SUPT3H: variants seen among roughly 807,000 people sequenced by gnomAD.
The protein encoded by SUPT3H is SPT3 homolog, SAGA and STAGA complex component.
A neutral mutation model predicts 44.3 loss-of-function variants in SUPT3H; 44 were observed. The observed-to-expected ratio is 0.99, with a 90% CI of 0.78 to 1.28. The LOEUF (loss-of-function observed/expected upper bound fraction) is 1.28. SUPT3H is among the 50% of genes most tolerant of loss of function. SUPT3H has a pLI of 0.00. For synonymous variants in SUPT3H, 124 were observed against 125.6 expected (o/e 0.99, Z 0.09); for missense variants, 380 against 387.1 (o/e 0.98, Z 0.15).
At chr6:44,815,076 T>C (rs928708867) in intron 11 of SUPT3H, among the ~76,000 whole-genome samples, 5 of 151,966 alleles carry the variant, frequency 3.3e-5, no homozygotes, top group African/African-American at 1.2e-4. Context: ...TATGAACATA[T>C]TGTGTGTGTG....
At position 45,104,142 on chromosome 6, in the gene SUPT3H, A is replaced by T. The variant is rs1323348450; in HGVS notation, c.186+1780T>A. On this transcript the variant is annotated intron_variant, in intron 3 of 10. Coordinates refer to ENST00000371459, the MANE Select transcript of SUPT3H (RefSeq NM_003599.4). ...CTAAAATCTGTGAGAAGGAATAATG[A>T]GCATGGGAAATGGTAGATATGTGGG... is the stretch of plus-strand genomic sequence containing the variant. Among the ~76,000 whole-genome samples, 38 of 152,128 alleles carry T rather than the reference A, an allele frequency of 2.5e-4. 1 individual carries two copies. The highest frequency in any genetic ancestry group is 2.9e-5 in the Non-Finnish European group (2 of 67,958).
At chr6:45,211,144 A>G (rs528164341) in intron 2 of SUPT3H, among the ~76,000 whole-genome samples, 4 of 152,330 alleles carry the variant, frequency 2.6e-5, no homozygotes, top group African/African-American at 7.2e-5. Context: ...ATTTCCCAAC[A>G]TAACTGTCTT....
intron 3 of SUPT3H, among the ~76,000 whole-genome samples, chr6:45,068,741 C>G (rs1185058707): frequency 4.2e-5 from 6 of 143,138 alleles, no homozygotes; most frequent in Non-Finnish European, 1.6e-5. Flanking sequence ...TGCTTGGCTC[C>G]TCATAGTGTG....
chr6:44,849,428 C>T (rs947316444), intron 10 of SUPT3H, among the ~76,000 whole-genome samples: 2 of 151,146 alleles, frequency 1.3e-5, no homozygotes, highest in East Asian at 1.9e-4. Flanking sequence ...GGGGTTTCAC[C>T]ATTTTAGCCG....
chr6:45,127,669 CA>C (rs777452852), intron 2 of SUPT3H, among the ~76,000 whole-genome samples: 1 of 152,232 alleles, frequency 6.6e-6, no homozygotes, highest in East Asian at 1.9e-4. Context: ...CTTCTATTTT[CA>C]AAGACTTTTC....
At chr6:45,314,218 C>T (rs911048548) in intron 2 of SUPT3H, among the ~76,000 whole-genome samples, 1 of 151,996 alleles carries the variant, frequency 6.6e-6, no homozygotes, top group Non-Finnish European at 1.5e-5. Context: ...AAGTATTCCC[C>T]CTGAGAATGG....
intron 3 of SUPT3H, among the ~76,000 whole-genome samples, chr6:45,031,682 C>T (rs547064606): frequency 6.6e-6 from 1 of 152,156 alleles, no homozygotes; most frequent in South Asian, 2.1e-4. Flanking sequence ...TAGTGTTTAA[C>T]CCTGGGTATA....
intron 3 of SUPT3H, among the ~76,000 whole-genome samples, chr6:45,075,915 G>A (rs545009641): frequency 6.6e-6 from 1 of 152,096 alleles, no homozygotes; most frequent in African/African-American, 2.4e-5. Context: ...TATAATAAAT[G>A]CCATGTGTCA....
intron 3 of SUPT3H, among the ~76,000 whole-genome samples, chr6:45,022,174 T>C (rs1399461788): frequency 6.6e-6 from 1 of 152,088 alleles, no homozygotes; most frequent in Non-Finnish European, 1.5e-5. Context: ...TGAAGAATGC[T>C]GATCATTTGA....
chr6:44,977,171 G>A (rs1778451066), intron 6 of SUPT3H, among the ~76,000 whole-genome samples: 1 of 152,184 alleles, frequency 6.6e-6, no homozygotes, highest in Non-Finnish European at 1.5e-5. Flanking sequence ...TTTGCAACTT[G>A]GTGATGTGAG....
chr6:45,004,118 A>G (rs1277369756), intron 5 of SUPT3H, among the ~76,000 whole-genome samples: 1 of 152,156 alleles, frequency 6.6e-6, no homozygotes, highest in Admixed American at 6.6e-5. Context: ...TATTTATAAC[A>G]AACACCTCTG....
intron 3 of SUPT3H, chr6:45,098,783 G>T: frequency 2.0e-6 from 1 of 511,424 alleles, no homozygotes; most frequent in Non-Finnish European, 3.9e-6. Context: ...GAGAGATGCA[G>T]ATTGATTACT....
chr6:45,321,395 C>T (rs1000787102), intron 2 of SUPT3H, among the ~76,000 whole-genome samples: 7 of 152,082 alleles, frequency 4.6e-5, no homozygotes, highest in African/African-American at 1.7e-4. Flanking sequence ...ATATCCTTTA[C>T]TTATATTCAC....
intron 2 of SUPT3H, among the ~76,000 whole-genome samples, chr6:45,273,668 A>T (rs1776567410): frequency 6.6e-6 from 1 of 152,206 alleles, no homozygotes; most frequent in African/African-American, 2.4e-5. Context: ...ATCAAATAAC[A>T]ATATTTAATT....
At chr6:45,154,088 A>AAAAAAAAAACCG (rs1554264847) in intron 2 of SUPT3H, among the ~76,000 whole-genome samples, 1 of 12,488 alleles carries the variant, frequency 8.0e-5, no homozygotes, top group Non-Finnish European at 2.5e-4. Context: ...AAAAAAAAAA[A>AAAAAAAAAACCG]GCGCTTAGTC....
chr6:45,087,689 T>A (rs1044132456), intron 3 of SUPT3H, among the ~76,000 whole-genome samples: 3 of 151,898 alleles, frequency 2.0e-5, no homozygotes, highest in Non-Finnish European at 4.4e-5. Flanking sequence ...AAATCTATAC[T>A]CATTTTAGCA....
Position 45,003,647 on chromosome 6 carries a change from C to T in SUPT3H, c.504+6G>A, listed in dbSNP as rs1279881915. On this transcript the variant is annotated splice_donor_region_variant and intron_variant, in intron 6 of 10. Transcript: ENST00000371459. Reference sequence around the variant, plus strand: ...ATTTCTGTAAAAAGGGAAGAATGTACTATACCTCCATTCTTTCTTGTTTAA... The same window carrying T: ...ATTTCTGTAAAAAGGGAAGAATGTATTATACCTCCATTCTTTCTTGTTTAA... The T allele has an allele frequency of 1.2e-6, 2 of 1,612,708 alleles. No homozygotes were observed. Among genetic ancestry groups the T allele is most frequent in the Non-Finnish European group, 1.7e-6 (2 of 1,179,244 alleles).
At chr6:44,944,762 C>CAAAAA (rs57506313) in intron 9 of SUPT3H, among the ~76,000 whole-genome samples, 425 of 29,796 alleles carry the variant, frequency 0.014, 81 homozygotes, top group African/African-American at 0.022. Flanking sequence ...ACCCTCTCTC[C>CAAAAA]AAAAAAAAAA....
At chr6:45,009,208 C>T (rs1783130780) in intron 5 of SUPT3H, among the ~76,000 whole-genome samples, 1 of 151,988 alleles carries the variant, frequency 6.6e-6, no homozygotes, top group African/African-American at 2.4e-5. Flanking sequence ...AAATTTTCTT[C>T]CATTCTGTGG....
Sources: gnomAD v4.1 joint callset for allele counts (sites outside exome capture counted in the v4.1 genomes callset) on GRCh38, gnomAD v4.1.1 for gene constraint, MANE v1.5 for transcripts, NCBI Gene and HGNC (gene_info 2026-07-23, HGNC 2026-07-21) for gene names.